The following ASPHD1 variants were observed in gnomAD, a reference collection of about 807,000 sequenced individuals.
ASPHD1 encodes aspartate beta-hydroxylase domain-containing protein 1.
Under a neutral mutation model 28.3 loss-of-function variants are expected in ASPHD1, and 20 were observed. The ratio of observed to expected loss-of-function variants is 0.71; its 90% CI spans 0.50 to 1.03. The LOEUF (loss-of-function observed/expected upper bound fraction) is 1.03. Among genes scored for constraint, ASPHD1 ranks in the 50% least tolerant of loss-of-function variants. The pLI is 0.00. For missense variants in ASPHD1, 479 were observed against 524.1 expected, an observed-to-expected ratio of 0.91 and a Z score of 0.84; for synonymous variants, 240 against 221.2, an observed-to-expected ratio of 1.08 and a Z score of -0.75.
At chr16:29,911,843 G>A in intron 3 of ASPHD1, 7 of 1,612,672 alleles carry the variant, frequency 4.3e-6, no homozygotes, top group Non-Finnish European at 5.1e-6. Flanking sequence ...TTGTTACTGC[G>A]GTTGTGCAGG....
In ASPHD1 at chr16:29,900,723, G is replaced by C; in HGVS notation, c.-249G>C. 1.8e-6 allele frequency: 1 copy of C among 569,366 alleles called. No individual in the cohort carries two copies. The highest frequency in any genetic ancestry group is 3.1e-6 in the Non-Finnish European group (1 of 322,624). 35.3% of individuals were successfully genotyped at this position (569,366 alleles called of 1,614,324 possible). ...AGGAAGACAGGCTGCGGGTTCCCGG[G>C]ACTGCAGGTCCAGGCAGGGTAGGAA... On this transcript the variant is annotated 5_prime_UTR_variant, in exon 1 of 3. Transcript: ENST00000308748.
upstream of ASPHD1, chr16:29,900,412 C>A (rs1040164575): frequency 5.7e-5 from 9 of 158,992 alleles, no homozygotes; most frequent in Admixed American, 3.5e-4. Flanking sequence ...GTGGCCCCTG[C>A]GCCCCACGTG....
At chr16:29,902,037 C>T in intron 1 of ASPHD1, 117 bp downstream of exon 1, 1 of 777,634 alleles carries the variant, frequency 1.3e-6, no homozygotes, top group Non-Finnish European at 1.8e-6. Flanking sequence ...TCTTCCATGG[C>T]TCCCTGTTGC....
chr16:29,906,983 GCCAGCCCCA>G, downstream of ASPHD1: 1 of 1,614,162 alleles, frequency 6.2e-7, no homozygotes, highest in Non-Finnish European at 8.5e-7. Flanking sequence ...CCTCCCCGCG[GCCAGCCCCA>G]CCAGCTCCAG....
chr16:29,909,374 G>A (rs1215276744), downstream of ASPHD1, among the ~76,000 whole-genome samples: 2 of 152,226 alleles, frequency 1.3e-5, no homozygotes, highest in Admixed American at 1.3e-4. Context: ...AGGCAACAGT[G>A]TGTGCAGAGG....
At position 29,901,754 on chromosome 16, in the gene ASPHD1, AC is replaced by A; in HGVS notation, c.786del (p.Ser263AlafsTer13). The A allele has an allele frequency of 6.5e-7, 1 of 1,550,024 alleles. No homozygotes were observed. Among genetic ancestry groups the A allele is most frequent in the Non-Finnish European group, 8.7e-7 (1 of 1,148,190 alleles). ...LLLYQAGRCQ[P>X]SNCRRCPGAY... ...TGCTGTACCAAGCAGGCCGGTGCCA[AC>A]CCAGCAACTGCCGCCGGTGCCCGGG... On this transcript the variant is annotated frameshift_variant, in exon 1 of 3. Coordinates refer to ENST00000308748, the MANE Select transcript of ASPHD1 (RefSeq NM_181718.4). LOFTEE classifies it high-confidence loss of function. This position sits in a 1 kb window ranked among gnomAD's most constrained non-coding sequence, Gnocchi z 5.1.
intron 1 of ASPHD1, among the ~76,000 whole-genome samples, chr16:29,903,406 G>A (rs1173455591): frequency 1.3e-5 from 2 of 151,744 alleles, no homozygotes; most frequent in Non-Finnish European, 2.9e-5. Flanking sequence ...CTGAACTCCT[G>A]AACTCAAGTG....
chr16:29,902,478 G>A (rs1268354766), intron 1 of ASPHD1, among the ~76,000 whole-genome samples: 1 of 152,220 alleles, frequency 6.6e-6, no homozygotes, highest in African/African-American at 2.4e-5. Flanking sequence ...GAACATTCTA[G>A]TTAAGTGCTC....
chr16:29,904,655 A>G (rs888374268), intron 1 of ASPHD1, among the ~76,000 whole-genome samples, 197 bp from the exon 2 acceptor site: 2 of 150,972 alleles, frequency 1.3e-5, no homozygotes, highest in African/African-American at 4.9e-5. Context: ...TACCCACAGC[A>G]GCGTTTCCCT....
At chr16:29,913,186 G>A (rs2068747627) in intron 3 of ASPHD1, 1 of 140,666 alleles carries the variant, frequency 7.1e-6, no homozygotes, top group Admixed American at 7.5e-5. Context: ...GCAGTGGCAT[G>A]ACCACAGCTT....
At position 29,900,839 on chromosome 16, in the gene ASPHD1, A is replaced by G; in HGVS notation, c.-133A>G. The G allele has an allele frequency of 2.6e-6, 2 of 781,286 alleles. No homozygotes were observed. The highest frequency in any genetic ancestry group is 2.0e-6 in the Non-Finnish European group (1 of 487,914). 48.4% of individuals were successfully genotyped at this position (781,286 alleles called of 1,614,324 possible). A position where few individuals can be genotyped will look rare whatever the true frequency, so the allele number is the denominator to read the frequency against. ...AAAGGGGGAGATTGAGGTGGGAGAG[A>G]GAAGCAGAGCGAGAGAGAGGAGGCT... On this transcript the variant is annotated 5_prime_UTR_variant, in exon 1 of 3. Coordinates refer to ENST00000308748, the MANE Select transcript of ASPHD1 (RefSeq NM_181718.4).
At chr16:29,911,711 T>G in intron 3 of ASPHD1, 1 of 1,240,794 alleles carries the variant, frequency 8.1e-7, no homozygotes, top group Non-Finnish European at 1.2e-6. Flanking sequence ...CAGGCACAGA[T>G]GTTCTTGTAG....
intron 3 of ASPHD1, among the ~76,000 whole-genome samples, chr16:29,915,581 G>A (rs976209628): frequency 6.6e-6 from 1 of 151,540 alleles, no homozygotes; most frequent in Non-Finnish European, 1.5e-5. Context: ...GAACCCAGGA[G>A]GAGGAGGTTG....
chr16:29,917,856 G>C (rs1007342129), intron 3 of ASPHD1, among the ~76,000 whole-genome samples: 2 of 152,122 alleles, frequency 1.3e-5, no homozygotes, highest in African/African-American at 4.8e-5. Context: ...GCTGAGACAT[G>C]AAAATTGTTT....
downstream of ASPHD1, among the ~76,000 whole-genome samples, chr16:29,909,669 T>C (rs1183222504): frequency 1.3e-5 from 2 of 151,550 alleles, no homozygotes; most frequent in Non-Finnish European, 2.9e-5. Context: ...TTTTTGGCAA[T>C]GGGCCTTTCT....
chr16:29,905,686 C>A, intron 2 of ASPHD1, 102 bp from the exon 3 acceptor site: 1 of 666,914 alleles, frequency 1.5e-6, no homozygotes, highest in Admixed American at 2.3e-5. Context: ...AGAACAAGGC[C>A]TGCCACTTAT....
chr16:29,917,556 C>A (rs565216122), intron 3 of ASPHD1, among the ~76,000 whole-genome samples: 1 of 151,894 alleles, frequency 6.6e-6, no homozygotes, highest in African/African-American at 2.4e-5. Flanking sequence ...CCAAGGCGGG[C>A]GGATCACGAG....
rs764930951 is a variant in ASPHD1 at position 29,901,298 on chromosome 16, G to T, written c.327G>T (p.Gly109=). Residue 109 remains glycine (G), a synonymous_variant, in exon 1 of 3, where the codon GGG becomes GGT. Coordinates refer to ENST00000308748, the MANE Select transcript of ASPHD1 (RefSeq NM_181718.4). This position sits in a 1 kb window ranked among gnomAD's most constrained non-coding sequence, Gnocchi z 5.1. ...AAGACATGCAGGCCCTAGGGGCTGG[G>T]AGCCGAGCTGGGGGTGTTCGTGGTG... ...GSQDMQALGA[G]SRAGGVRGGP... is the part of the protein sequence containing the mutation. The T allele has an allele frequency of 1.9e-6, 3 of 1,612,086 alleles. No homozygotes were observed. Among genetic ancestry groups the T allele is most frequent in the Non-Finnish European group, 2.5e-6 (3 of 1,179,596 alleles).
At position 29,900,849 on chromosome 16, in the gene ASPHD1, C is replaced by G. The variant is rs1405260848; in HGVS notation, c.-123C>G. ...ATTGAGGTGGGAGAGAGAAGCAGAG[C>G]GAGAGAGAGGAGGCTGCTGGAAGGA... is the stretch of plus-strand genomic sequence containing the variant. On this transcript the variant is annotated 5_prime_UTR_variant, in exon 1 of 3. Coordinates refer to ENST00000308748, the MANE Select transcript of ASPHD1 (RefSeq NM_181718.4). 1 of 842,756 alleles carries G rather than the reference C, an allele frequency of 1.2e-6. No homozygotes were observed. Among genetic ancestry groups the G allele is most frequent in the Non-Finnish European group, 1.9e-6 (1 of 539,192 alleles). 52.2% of individuals were successfully genotyped at this position (842,756 alleles called of 1,614,324 possible). A position where few individuals can be genotyped will look rare whatever the true frequency, so the allele number is the denominator to read the frequency against.
Sources: gnomAD v4.1 joint callset for allele counts (sites outside exome capture counted in the v4.1 genomes callset) on GRCh38, gnomAD v4.1.1 for gene constraint, Gnocchi (gnomAD v3.1) non-coding constraint, MANE v1.5 for transcripts, NCBI Gene and HGNC (gene_info 2026-07-23, HGNC 2026-07-21) for gene names.